Variants in SLC36A1 observed in about 807,000 individuals in gnomAD.
The protein encoded by SLC36A1 is solute carrier family 36 member 1, also known as proton-coupled amino acid transporter 1.
A neutral mutation model predicts 47.5 loss-of-function variants in SLC36A1; 30 were observed. That is an observed-to-expected ratio of 0.63 (90% CI 0.47 to 0.86). The LOEUF (loss-of-function observed/expected upper bound fraction) is 0.86. Among genes scored for constraint, SLC36A1 ranks in the 40% least tolerant of loss-of-function variants. The pLI is 0.00. For synonymous variants in SLC36A1, 255 were observed against 249.7 expected (o/e 1.02, Z -0.20); for missense variants, 517 against 606.0 (o/e 0.85, Z 1.54).
the SLC36A1 span, chr5:151,544,423 G>A: frequency 6.2e-7 from 1 of 1,614,156 alleles, no homozygotes; most frequent in Non-Finnish European, 8.5e-7. Flanking sequence ...TTTGGTCTTG[G>A]ACTCATAGTC....
intron 2 of SLC36A1, among the ~76,000 whole-genome samples, chr5:151,460,653 C>A (rs1755376513): frequency 6.6e-6 from 1 of 151,860 alleles, no homozygotes; most frequent in African/African-American, 2.4e-5. Context: ...TACTTCCAGC[C>A]TGGGGCATAG....
chr5:151,402,996 T>C, the SLC36A1 span, among the ~76,000 whole-genome samples: 2 of 152,320 alleles, frequency 1.3e-5, no homozygotes, highest in African/African-American at 4.8e-5. Flanking sequence ...TTTTGCGGTC[T>C]CAATATCATT....
the SLC36A1 span, among the ~76,000 whole-genome samples, chr5:151,369,881 G>A: frequency 1.3e-5 from 2 of 152,170 alleles, no homozygotes; most frequent in African/African-American, 4.8e-5. Flanking sequence ...TGCAACCTCC[G>A]CCTCCCAGAT....
At chr5:151,441,361 T>A (rs1363669450) in intron 1 of SLC36A1, among the ~76,000 whole-genome samples, 1 of 152,196 alleles carries the variant, frequency 6.6e-6, no homozygotes, top group African/African-American at 2.4e-5. Context: ...GTATGTGCTA[T>A]AAACAAGAGG....
At chr5:151,549,260 G>C in the SLC36A1 span, 9 of 1,595,132 alleles carry the variant, frequency 5.6e-6, no homozygotes, top group Admixed American at 1.7e-5. Flanking sequence ...AAAGCATCTT[G>C]ACCCATCCTC....
chr5:151,359,223 G>T, the SLC36A1 span, among the ~76,000 whole-genome samples: 4 of 152,110 alleles, frequency 2.6e-5, no homozygotes, highest in Non-Finnish European at 5.9e-5. Flanking sequence ...ATACATCCAT[G>T]CCTTCCAGAG....
At chr5:151,484,139 C>G (rs1759198080) in intron 10 of SLC36A1, among the ~76,000 whole-genome samples, 1 of 152,176 alleles carries the variant, frequency 6.6e-6, no homozygotes, top group African/African-American at 2.4e-5. Context: ...GAGCATCTCT[C>G]TGACTCCACT....
intron 5 of SLC36A1, among the ~76,000 whole-genome samples, chr5:151,466,183 C>CTCCTTCCCTCCTTTCCTTCCT (rs1398474978): frequency 5.3e-5 from 8 of 152,132 alleles, no homozygotes; most frequent in Non-Finnish European, 8.8e-5. Context: ...TTCTTCCGCC[C>CTCCTTCCCTCCTTTCCTTCCT]TCCTTCCCTC....
At chr5:151,540,373 C>T in the SLC36A1 span, among the ~76,000 whole-genome samples, 11 of 151,712 alleles carry the variant, frequency 7.3e-5, no homozygotes, top group Admixed American at 3.3e-4. Flanking sequence ...CTCTGTTCTC[C>T]TGCCCCTCAA....
At chr5:151,486,830 T>C (rs1759631629) in intron 10 of SLC36A1, among the ~76,000 whole-genome samples, 1 of 152,236 alleles carries the variant, frequency 6.6e-6, no homozygotes, top group South Asian at 2.1e-4. Flanking sequence ...GGTTAGTAAC[T>C]AACAGGAAGT....
the SLC36A1 span, chr5:151,511,923 C>T: frequency 7.3e-6 from 4 of 548,416 alleles, no homozygotes; most frequent in Admixed American, 6.2e-5. Context: ...CCCCTGAGGT[C>T]CCCATTCATA....
chr5:151,433,219 A>C (rs1759472940), upstream of SLC36A1, among the ~76,000 whole-genome samples: 1 of 59,154 alleles, frequency 1.7e-5, no homozygotes, highest in South Asian at 6.9e-4. Context: ...ACTTCTGAAT[A>C]ACATATATAT....
At chr5:151,432,712 G>A (rs928405426), upstream of SLC36A1, among the ~76,000 whole-genome samples, 2 of 152,210 alleles carry the variant, frequency 1.3e-5, no homozygotes, top group African/African-American at 2.4e-5. Flanking sequence ...TGGTTGGGCA[G>A]AAAGGGAGGC....
Position 151,486,259 on chromosome 5 carries a change from G to A in SLC36A1, c.1160-1724G>A, listed in dbSNP as rs147224681. Among the ~76,000 whole-genome samples the A allele has an allele frequency of 3.2e-3, 494 of 152,222 alleles. 6 individuals are homozygous for A. The highest frequency in any genetic ancestry group is 0.012 in the African/African-American group (478 of 41,542). ...CTCTTTTAAACAACAGCTCTCTCAG[G>A]GAGGGCCCCAAGTCATTCATGAGGG... On this transcript the variant is annotated intron_variant, in intron 10 of 10. Coordinates refer to ENST00000243389, the MANE Select transcript of SLC36A1 (RefSeq NM_078483.4).
chr5:151,506,198 G>C, the SLC36A1 span: 2 of 1,295,584 alleles, frequency 1.5e-6, no homozygotes, highest in South Asian at 1.8e-5. Flanking sequence ...GTGGAGATGG[G>C]AGTGGGTGGG....
the SLC36A1 span, among the ~76,000 whole-genome samples, chr5:151,541,579 G>A: frequency 6.6e-6 from 1 of 152,168 alleles, no homozygotes; most frequent in African/African-American, 2.4e-5. Flanking sequence ...CATGGCACCT[G>A]GGGATGAGAA....
At chr5:151,469,078 A>G (rs1238724461) in intron 7 of SLC36A1, among the ~76,000 whole-genome samples, 1 of 138,314 alleles carries the variant, frequency 7.2e-6, no homozygotes, top group Non-Finnish European at 1.6e-5. Context: ...AAGCGGGTAA[A>G]TAAAAGCATA....
chr5:151,421,613 G>T, the SLC36A1 span, among the ~76,000 whole-genome samples: 2 of 144,196 alleles, frequency 1.4e-5, no homozygotes, highest in African/African-American at 5.1e-5. Context: ...GTTTTAGATA[G>T]AGTCTCACTC....
chr5:151,397,839 G>A, the SLC36A1 span, among the ~76,000 whole-genome samples: 9 of 150,994 alleles, frequency 6.0e-5, no homozygotes, highest in East Asian at 1.9e-4. Context: ...ACATGTGGCC[G>A]GGCACAGTGG....
Sources: gnomAD v4.1 joint callset for allele counts (sites outside exome capture counted in the v4.1 genomes callset) on GRCh38, gnomAD v4.1.1 for gene constraint, MANE v1.5 for transcripts, NCBI Gene and HGNC (gene_info 2026-07-23, HGNC 2026-07-21) for gene names.